Variants in TGM5 observed in about 807,000 individuals in gnomAD.
TGM5 encodes transglutaminase 5.
Under a neutral mutation model 77.2 loss-of-function variants are expected in TGM5, and 69 were observed. The observed-to-expected ratio is 0.89, with a 90% CI of 0.74 to 1.09. The LOEUF (loss-of-function observed/expected upper bound fraction) is 1.09. TGM5 is among the 50% of genes least tolerant of loss of function. TGM5 has a pLI of 0.00. For synonymous variants in TGM5, 346 were observed against 351.8 expected, an observed-to-expected ratio of 0.98 and a Z score of 0.18; for missense variants, 842 against 896.5, an observed-to-expected ratio of 0.94 and a Z score of 0.78.
intron 4 of TGM5, among the ~76,000 whole-genome samples, chr15:43,255,580 C>T (rs2142376498): frequency 6.6e-6 from 1 of 152,240 alleles, no homozygotes; most frequent in East Asian, 1.9e-4. Flanking sequence ...TGGAAGGACA[C>T]ATATGTTGGA....
intron 3 of TGM5, among the ~76,000 whole-genome samples, chr15:43,257,250 T>C (rs565583262): frequency 6.6e-6 from 1 of 152,308 alleles, no homozygotes; most frequent in South Asian, 2.1e-4. Context: ...TGCCCTGTTA[T>C]TGGGGAGTAG....
chr15:43,266,118 T>C (rs1295767123), intron 1 of TGM5, among the ~76,000 whole-genome samples: 1 of 152,260 alleles, frequency 6.6e-6, no homozygotes, highest in African/African-American at 2.4e-5. Flanking sequence ...GCTTTATCTA[T>C]AATTATTTAT....
At chr15:43,235,040 C>A (rs369959500) in intron 10 of TGM5, 111 bp from the exon 11 acceptor site, 29 of 1,328,254 alleles carry the variant, frequency 2.2e-5, no homozygotes, top group Middle Eastern at 4.0e-4. Flanking sequence ...AGTACCAAAT[C>A]CCAGGGAAGC....
At chr15:43,259,800 C>T (rs1238257919) in intron 3 of TGM5, among the ~76,000 whole-genome samples, 3 of 152,138 alleles carry the variant, frequency 2.0e-5, no homozygotes, top group African/African-American at 4.8e-5. Context: ...ATGTTATTCA[C>T]GATCAAACTT....
chr15:43,237,922 A>G (rs2042602029), intron 9 of TGM5, among the ~76,000 whole-genome samples: 1 of 152,196 alleles, frequency 6.6e-6, no homozygotes, highest in Non-Finnish European at 1.5e-5. Context: ...TGCTTGCCTC[A>G]GGATCCATTT....
chr15:43,249,908 G>C lies in TGM5; in HGVS notation c.862+2851C>G, dbSNP rs941621916. ...CCACACTGGGAGGCAGGGCCGTAGA[G>C]GGGAGATGCATGTCTGAGTCAGACC... On this transcript the variant is annotated intron_variant, in intron 6 of 12. Coordinates refer to ENST00000220420, the MANE Select transcript of TGM5 (RefSeq NM_201631.4). Among the ~76,000 whole-genome samples, 2 of 152,238 alleles carry C rather than the reference G, an allele frequency of 1.3e-5. 1 individual carries two copies. The highest frequency in any genetic ancestry group is 1.3e-4 in the Admixed American group (2 of 15,290).
At position 43,235,499 on chromosome 15, in the gene TGM5, T is replaced by C. The variant is rs1292524427; in HGVS notation, c.1684A>G (p.Thr562Ala). The part of the protein sequence containing the change: ...GSPLSPFWQD[T>A]AFITLSPKEA... ...TTAGGAGAGAGTGTGATGAACGCTG[T>C]GTCCTGCCAGAATGGGGACAGGGGG... The change falls in exon 10 of 13, where the codon ACA becomes GCA. Residue 562 changes from threonine (T) to alanine (A), a missense_variant. By Grantham distance (58) the Thr-to-Ala change is moderately conservative. Transcript: ENST00000220420. 4 of 1,614,136 alleles carry C rather than the reference T, an allele frequency of 2.5e-6. No homozygotes were observed. Among genetic ancestry groups the C allele is most frequent in the Admixed American group, 1.7e-5 (1 of 60,024 alleles).
intron 6 of TGM5, among the ~76,000 whole-genome samples, chr15:43,246,459 G>A (rs2042670801): frequency 6.6e-6 from 1 of 152,154 alleles, no homozygotes. Flanking sequence ...TATTATGTGA[G>A]CAGGAAGCAC....
chr15:43,235,824 C>G lies in TGM5; in HGVS notation c.1359G>C (p.Glu453Asp). ...GCAGAGCCTTCAGAAACACCTGCCT[C>G]TCCTGGAGGGATCCTGAAGTTGGGG... ...NYKYEEGSLQERQVFLKALQK... is the reference protein window; with the variant it reads ...NYKYEEGSLQDRQVFLKALQK... Residue 453 changes from glutamate (E) to aspartate (D), a missense_variant, in exon 10 of 13, where the codon GAG becomes GAC. By Grantham distance (45) the Glu-to-Asp change is conservative. This residue lies in a region of TGM5 where 815 missense variants were observed against 844.6 expected (regional missense o/e 0.96). Transcript: ENST00000220420. The G allele has an allele frequency of 6.2e-7, 1 of 1,613,984 alleles. No homozygotes were observed. The highest frequency in any genetic ancestry group is 8.5e-7 in the Non-Finnish European group (1 of 1,180,028).
intron 4 of TGM5, among the ~76,000 whole-genome samples, chr15:43,255,055 C>T (rs921153532): frequency 6.6e-6 from 1 of 152,120 alleles, no homozygotes; most frequent in Non-Finnish European, 1.5e-5. Context: ...AGAAATGGGC[C>T]AGGCGCGATG....
Position 43,239,221 on chromosome 15 carries a change from C to T in TGM5, c.1047G>A (p.Leu349=). 6.2e-7 allele frequency: 1 copy of T among 1,614,166 alleles called. No individual in the cohort carries two copies. The highest frequency in any genetic ancestry group is 8.5e-7 in the Non-Finnish European group (1 of 1,180,018). ...CCTGCCAGCCTCCATATGCAGGGGG[C>T]AGATCCTTCCGGGCCATCCAGCACT... is the stretch of plus-strand genomic sequence containing the variant. ...WNECWMARKD[L]PPAYGGWQVL... is the part of the protein sequence containing the mutation. The change falls in exon 8 of 13, where the codon CTG becomes CTA. Residue 349 remains leucine, a synonymous_variant. Coordinates refer to ENST00000220420, the MANE Select transcript of TGM5 (RefSeq NM_201631.4).
At chr15:43,256,811 C>A in intron 3 of TGM5, 125 bp from the exon 4 acceptor site, 1 of 765,778 alleles carries the variant, frequency 1.3e-6, no homozygotes, top group Non-Finnish European at 2.3e-6. Context: ...CCAAGAGGGG[C>A]ACGAGGCAGT....
intron 3 of TGM5, among the ~76,000 whole-genome samples, chr15:43,258,787 G>T (rs1043307696): frequency 6.6e-5 from 10 of 152,324 alleles, no homozygotes; most frequent in African/African-American, 2.4e-4. Context: ...CGGGGCCTGG[G>T]TGTGGCACAA....
intron 6 of TGM5, among the ~76,000 whole-genome samples, chr15:43,250,856 C>T (rs2042698650): frequency 6.6e-6 from 1 of 152,174 alleles, no homozygotes; most frequent in Non-Finnish European, 1.5e-5. Context: ...CACGTTTGAC[C>T]TACTTTGACC....
chr15:43,258,681 G>A (rs1369507341), intron 3 of TGM5, among the ~76,000 whole-genome samples: 2 of 152,190 alleles, frequency 1.3e-5, no homozygotes, highest in Non-Finnish European at 2.9e-5. Flanking sequence ...AGTGGCCTGA[G>A]CTACACAGTG....
At chr15:43,259,875 G>T (rs1389801603) in intron 3 of TGM5, among the ~76,000 whole-genome samples, 177 bp downstream of exon 3, 2 of 152,210 alleles carry the variant, frequency 1.3e-5, no homozygotes, top group Non-Finnish European at 2.9e-5. Context: ...TTCTAAATAA[G>T]TAAATGAATA....
At chr15:43,252,473 G>A (rs1345286686) in intron 6 of TGM5, among the ~76,000 whole-genome samples, 4 of 151,890 alleles carry the variant, frequency 2.6e-5, no homozygotes, top group South Asian at 2.1e-4. Context: ...GCCTGCCACC[G>A]TGCCCTGCTA....
At chr15:43,239,127 G>A (rs772651728) in intron 8 of TGM5, 36 bp downstream of exon 8, 44 of 1,613,976 alleles carry the variant, frequency 2.7e-5, no homozygotes, top group South Asian at 4.4e-5. Flanking sequence ...TGCTTTCCAC[G>A]GGAGCGGGGC....
Position 43,260,290 on chromosome 15 carries a change from C to A in TGM5, c.198G>T (p.Leu66=). The change falls in exon 3 of 13, where the codon CTG becomes CTT. Residue 66 remains leucine (L), a synonymous_variant. Transcript: ENST00000220420. ...CCCGAGTCCCCAAGGCCAGGTCTGG[C>A]AGCGGTCCTAGGAGGGAAGTAGAGC... ...NIIFVVETGP[L]PDLALGTRAV... is the part of the protein sequence containing the mutation. The A allele has an allele frequency of 6.2e-7, 1 of 1,614,068 alleles. No individual in the cohort carries two copies. The highest frequency in any genetic ancestry group is 8.5e-7 in the Non-Finnish European group (1 of 1,180,004).
Sources: gnomAD v4.1 joint callset for allele counts (sites outside exome capture counted in the v4.1 genomes callset) on GRCh38, gnomAD v4.1.1 for gene constraint, gnomAD v4.1.1 regional missense constraint, MANE v1.5 for transcripts, NCBI Gene and HGNC (gene_info 2026-07-23, HGNC 2026-07-21) for gene names.